Variants in COPZ2 observed in about 807,000 individuals in gnomAD.
COPZ2 encodes the protein coatomer subunit zeta-2.
In COPZ2, 30 loss-of-function variants were observed where a neutral mutation model predicts 33.2. That is an observed-to-expected ratio of 0.90 (90% CI 0.68 to 1.23). The LOEUF (loss-of-function observed/expected upper bound fraction) is 1.23, where lower values mean the gene tolerates loss of function less well. COPZ2 is among the 50% of genes most tolerant of loss of function. The pLI, the probability that COPZ2 is intolerant of heterozygous loss-of-function variation, is 0.00. For missense variants in COPZ2, 263 were observed against 262.4 expected (o/e 1.00, Z -0.02); for synonymous variants, 89 against 102.6 (o/e 0.87, Z 0.80).
chr17:48,026,884 C>T (rs2036825703), intron 8 of COPZ2, among the ~76,000 whole-genome samples: 1 of 152,270 alleles, frequency 6.6e-6, no homozygotes, highest in African/African-American at 2.4e-5. Context: ...AATGTGTCCT[C>T]AACACCCCAC....
chr17:48,033,952 A>G lies in COPZ2; in HGVS notation c.187-8T>C. On this transcript the variant is annotated splice_polypyrimidine_tract_variant and splice_region_variant and intron_variant, in intron 2 of 8. Transcript: ENST00000621465. ...GAATGTGTCATCATAATACTATGAG[A>G]AAGGGAAGGAGAAAGGACCATAGCT... 6.3e-7 allele frequency: 1 copy of G among 1,590,882 alleles called. No homozygotes were observed. The highest frequency in any genetic ancestry group is 8.6e-7 in the Non-Finnish European group (1 of 1,162,786).
chr17:48,035,197 AG>A (rs2036961143), intron 2 of COPZ2, among the ~76,000 whole-genome samples: 1 of 152,182 alleles, frequency 6.6e-6, no homozygotes, highest in African/African-American at 2.4e-5. Context: ...CTTAATCTGT[AG>A]GGAGGAAAAG....
At chr17:48,037,953 C>G, upstream of COPZ2, 2 of 688,508 alleles carry the variant, frequency 2.9e-6, no homozygotes, top group African/African-American at 1.9e-5. The surrounding 1 kb of genome is among the most constrained non-coding windows in gnomAD (Gnocchi z 5.6). Flanking sequence ...CTCCTTCCCC[C>G]ACTTCTCCTC....
intron 2 of COPZ2, among the ~76,000 whole-genome samples, chr17:48,034,257 C>A (rs2036944963): frequency 6.6e-6 from 1 of 152,128 alleles, no homozygotes; most frequent in African/African-American, 2.4e-5. Context: ...TACAGGCATG[C>A]GCCACCACGC....
intron 7 of COPZ2, 24 bp downstream of exon 7, chr17:48,029,101 G>A: frequency 2.6e-6 from 4 of 1,565,828 alleles, no homozygotes; most frequent in Admixed American, 3.8e-5. Context: ...GCCTAAAAGA[G>A]GAGGTGTCCA....
chr17:48,032,258 G>C lies in COPZ2; in HGVS notation c.417-25C>G, dbSNP rs1389427485. On this transcript the variant is annotated intron_variant, in intron 5 of 8. Coordinates refer to ENST00000621465, the MANE Select transcript of COPZ2 (RefSeq NM_016429.4). Reference sequence around the variant, plus strand: ...CCTGAAGGTGGACACAAGCTCCTGAGCCTCCCTGTGGCTGGGAGGAACTGA... The same window carrying C: ...CCTGAAGGTGGACACAAGCTCCTGACCCTCCCTGTGGCTGGGAGGAACTGA... The C allele has an allele frequency of 7.5e-6, 12 of 1,601,264 alleles. No homozygotes were observed. In the African/African-American group the frequency reaches 1.3e-4, roughly 18 times the overall value.
chr17:48,032,356 G>T, intron 5 of COPZ2, 123 bp from the exon 6 acceptor site: 1 of 843,338 alleles, frequency 1.2e-6, no homozygotes, highest in Non-Finnish European at 2.0e-6. Context: ...CAAGGACTGG[G>T]AAGGAGAATG....
In COPZ2 at chr17:48,033,905, CCATCTGCTCCTT is replaced by C; in HGVS notation, c.214_225del (p.Lys72_Met75del). The C allele has an allele frequency of 1.9e-6, 3 of 1,611,998 alleles. No individual in the cohort carries two copies. Among genetic ancestry groups the C allele is most frequent in the Non-Finnish European group, 2.5e-6 (3 of 1,178,996 alleles). On this transcript the variant is annotated inframe_deletion, in exon 3 of 9. Coordinates refer to ENST00000621465, the MANE Select transcript of COPZ2 (RefSeq NM_016429.4). ...TTGTTGAAGACATTTTTCTCGAAAA[CCATCTGCTCCTT>C]CATGGAGGGGAATGTGTCATCATAA...
Position 48,037,566 on chromosome 17 carries a change from C to A in COPZ2, c.111+101G>T. On this transcript the variant is annotated intron_variant, in intron 1 of 8. Coordinates refer to ENST00000621465, the MANE Select transcript of COPZ2 (RefSeq NM_016429.4). This position sits in a 1 kb window ranked among gnomAD's most constrained non-coding sequence, Gnocchi z 5.6. ...GTCAGGGGTGACACAAAGTTCCCAG[C>A]CGCCGGGCGCGCGAGTTCTGAGTTG... 2 of 993,350 alleles carry A rather than the reference C, an allele frequency of 2.0e-6. No homozygotes were observed. The highest frequency in any genetic ancestry group is 2.4e-6 in the Non-Finnish European group (2 of 820,566). 61.5% of individuals were successfully genotyped at this position (993,350 alleles called of 1,614,324 possible).
intron 6 of COPZ2, 89 bp from the exon 7 acceptor site, chr17:48,029,265 G>A (rs1049055395): frequency 4.3e-5 from 53 of 1,220,916 alleles, no homozygotes; most frequent in African/African-American, 9.0e-5. Flanking sequence ...TTCCCTCTCC[G>A]AAGGCATCCT....
At chr17:48,032,651 G>C (rs1195480110) in intron 5 of COPZ2, 35 bp downstream of exon 5, 1 of 1,536,532 alleles carries the variant, frequency 6.5e-7, no homozygotes, top group African/African-American at 1.4e-5. Flanking sequence ...AGGGCCAGGG[G>C]GATGGGGCCT....
intron 2 of COPZ2, 57 bp downstream of exon 2, chr17:48,036,794 G>C: frequency 6.6e-7 from 1 of 1,521,474 alleles, no homozygotes; most frequent in Non-Finnish European, 9.1e-7. Context: ...TTTCTCCTGA[G>C]ACAGGAGTGT....
chr17:48,048,047 C>G, the COPZ2 span: 128 of 152,580 alleles, frequency 8.4e-4, 3 homozygotes, highest in East Asian at 0.019. Context: ...CGCCCAAGCC[C>G]ACTAACATCG....
At chr17:48,038,021 T>A, upstream of COPZ2, 1 of 289,256 alleles carries the variant, frequency 3.5e-6, no homozygotes, top group Non-Finnish European at 5.1e-6. Context: ...CTCTGCATCC[T>A]CAGGGTGCCC....
At chr17:48,043,062 G>A in the COPZ2 span, among the ~76,000 whole-genome samples, 2 of 152,260 alleles carry the variant, frequency 1.3e-5, no homozygotes, top group African/African-American at 2.4e-5. Flanking sequence ...AAGCATGCAC[G>A]TGCAGCAGCA....
In COPZ2 at chr17:48,028,587, T is replaced by C; in HGVS notation, c.547-77A>G. The C allele has an allele frequency of 7.0e-7, 1 of 1,420,426 alleles. No homozygotes were observed. Among genetic ancestry groups the C allele is most frequent in the Non-Finnish European group, 9.7e-7 (1 of 1,027,674 alleles). 88.0% of individuals were successfully genotyped at this position (1,420,426 alleles called of 1,614,324 possible). On this transcript the variant is annotated intron_variant, in intron 7 of 8. Transcript: ENST00000621465. The surrounding 1 kb of genome is among the most constrained non-coding windows in gnomAD (Gnocchi z 4.5). ...GGTCAGGGAGGTGAAGGAAAGGGGC[T>C]TGGGGGTATGGGTGAGGTGGTGCAG...
At chr17:48,046,265 T>A in the COPZ2 span, 1 of 152,394 alleles carries the variant, frequency 6.6e-6, no homozygotes, top group South Asian at 2.1e-4. Context: ...CTTCTCAAAA[T>A]TGTCTTGTAG....
Position 48,028,648 on chromosome 17 carries a change from G to T in COPZ2, c.547-138C>A, listed in dbSNP as rs1369131530. On this transcript the variant is annotated intron_variant, in intron 7 of 8. Transcript: ENST00000621465. The surrounding 1 kb of genome is among the most constrained non-coding windows in gnomAD (Gnocchi z 4.5). ...GATTCAGAGCTGCACCTGTGTCACT[G>T]GTTAATAGAAGTCCTGCAGCCTGTC... The T allele has an allele frequency of 6.8e-6, 5 of 737,212 alleles. No homozygotes were observed. The Admixed American group carries it at 1.3e-4, about 20-fold the overall frequency. 45.7% of individuals were successfully genotyped at this position (737,212 alleles called of 1,614,324 possible). A position where few individuals can be genotyped will look rare whatever the true frequency, so the allele number is the denominator to read the frequency against.
chr17:48,033,281 C>G lies in COPZ2; in HGVS notation c.290G>C (p.Gly97Ala). 1 of 1,612,490 alleles carries G rather than the reference C, an allele frequency of 6.2e-7. No individual in the cohort carries two copies. ...RTESEIAFFG[G>A]MTIVYKNSID... is the part of the protein sequence containing the mutation. Reference sequence around the variant, plus strand: ...GCTGTTCTTGTAGACGATGGTCATACCCCCAAAAAATGCAATCTCACCTAG... The same window carrying G: ...GCTGTTCTTGTAGACGATGGTCATAGCCCCAAAAAATGCAATCTCACCTAG... The change falls in exon 4 of 9, where the codon GGT becomes GCT. Residue 97 changes from glycine (G) to alanine (A), a missense_variant. Physicochemically the swap from Gly to Ala is moderately conservative, Grantham distance 60 (BLOSUM62 0). Coordinates refer to ENST00000621465, the MANE Select transcript of COPZ2 (RefSeq NM_016429.4).
Sources: gnomAD v4.1 joint callset for allele counts (sites outside exome capture counted in the v4.1 genomes callset) on GRCh38, gnomAD v4.1.1 for gene constraint, Gnocchi (gnomAD v3.1) non-coding constraint, MANE v1.5 for transcripts, NCBI Gene and HGNC (gene_info 2026-07-23, HGNC 2026-07-21) for gene names.